AFF3: variants seen among roughly 807,000 people sequenced by gnomAD.
The protein encoded by AFF3 is AF4/FMR2 family member 3.
AFF3 carries 32 observed loss-of-function variants against 129.7 expected under a neutral mutation model. The observed-to-expected ratio is 0.25, with a 90% CI of 0.19 to 0.33. AFF3 has a LOEUF of 0.33. AFF3 is among the 10% of genes least tolerant of loss of function. AFF3 has a pLI of 1.00. For synonymous variants in AFF3, 644 were observed against 635.4 expected, an observed-to-expected ratio of 1.01 and a Z score of -0.20; for missense variants, 1,373 against 1,592.0, an observed-to-expected ratio of 0.86 and a Z score of 2.34.
intron 8 of AFF3, among the ~76,000 whole-genome samples, chr2:99,777,947 C>CAAAAAAAAAAA (rs576434643): frequency 1.7e-4 from 8 of 48,340 alleles, no homozygotes; most frequent in Non-Finnish European, 2.3e-4. Flanking sequence ...AAAGCAAAAG[C>CAAAAAAAAAAA]AAAAAAAAAA....
At chr2:99,987,037 C>G (rs1376896335) in intron 7 of AFF3, among the ~76,000 whole-genome samples, 1 of 152,170 alleles carries the variant, frequency 6.6e-6, no homozygotes, top group African/African-American at 2.4e-5. Flanking sequence ...ATCACACACA[C>G]TTTGCTCTAA....
At chr2:99,804,421 A>T (rs1686185720) in intron 8 of AFF3, among the ~76,000 whole-genome samples, 1 of 152,234 alleles carries the variant, frequency 6.6e-6, no homozygotes, top group South Asian at 2.1e-4. Flanking sequence ...CAGTTATTAA[A>T]AAGTCAAAAA....
At chr2:99,758,991 A>T (rs1174280216) in intron 8 of AFF3, among the ~76,000 whole-genome samples, 1 of 152,154 alleles carries the variant, frequency 6.6e-6, no homozygotes, top group East Asian at 1.9e-4. Context: ...AAGAAAAACT[A>T]GCCTCTGCTT....
At chr2:99,623,775 A>C (rs1168863796) in intron 13 of AFF3, among the ~76,000 whole-genome samples, 1 of 152,106 alleles carries the variant, frequency 6.6e-6, no homozygotes, top group Non-Finnish European at 1.5e-5. Context: ...CCTGGCATGC[A>C]CCCATGCCCT....
chr2:100,124,747 T>C (rs558654033), intron 2 of AFF3, among the ~76,000 whole-genome samples: 1 of 152,228 alleles, frequency 6.6e-6, no homozygotes, highest in South Asian at 2.1e-4. Flanking sequence ...GGGCAACTAA[T>C]GCAAGAAAAC....
chr2:99,901,494 C>G (rs7572738), intron 7 of AFF3, among the ~76,000 whole-genome samples: 2 of 152,196 alleles, frequency 1.3e-5, no homozygotes, highest in Non-Finnish European at 2.9e-5. Context: ...AACTCATTAT[C>G]GTGATCCCAA....
chr2:99,986,290 A>G (rs779321469), intron 7 of AFF3, among the ~76,000 whole-genome samples: 7 of 150,904 alleles, frequency 4.6e-5, no homozygotes. Context: ...TTCAGTGTCA[A>G]CCATAGCGTT....
At chr2:99,562,271 C>T (rs1476406113) in intron 20 of AFF3, among the ~76,000 whole-genome samples, 1 of 152,244 alleles carries the variant, frequency 6.6e-6, no homozygotes, top group Non-Finnish European at 1.5e-5. Context: ...CTCTATTCCT[C>T]TCCTCTGAGA....
rs182248213 is a variant in AFF3 at position 99,941,279 on chromosome 2, C to G, written c.873+65353G>C. Among the ~76,000 whole-genome samples the G allele has an allele frequency of 2.4e-4, 37 of 152,282 alleles. No homozygotes were observed. The East Asian group carries it at 6.2e-3, about 25-fold the overall frequency. ...TCAGCACCACTCTGACCTCATAGGACAGCAGGGATTCTTTAGAGGATTGGG... is the reference window on the plus strand; with the variant it reads ...TCAGCACCACTCTGACCTCATAGGAGAGCAGGGATTCTTTAGAGGATTGGG... On this transcript the variant is annotated intron_variant, in intron 7 of 24. Transcript: ENST00000672756.
chr2:99,617,880 A>G (rs565760227), intron 13 of AFF3, among the ~76,000 whole-genome samples: 1 of 152,206 alleles, frequency 6.6e-6, no homozygotes, highest in Non-Finnish European at 1.5e-5. Context: ...TCTAGGTTGC[A>G]TATCAGGTTA....
intron 8 of AFF3, among the ~76,000 whole-genome samples, chr2:99,802,754 A>C (rs1438247491): frequency 7.0e-6 from 1 of 143,706 alleles, no homozygotes; most frequent in East Asian, 2.0e-4. Context: ...TTTGACTCTC[A>C]GCTTGGTCAC....
intron 7 of AFF3, among the ~76,000 whole-genome samples, chr2:99,842,227 A>C (rs1375258059): frequency 6.6e-6 from 1 of 152,028 alleles, no homozygotes; most frequent in African/African-American, 2.4e-5. Flanking sequence ...TACCTTCTTG[A>C]GGTCTTTCTC....
chr2:100,107,048 A>G, intron 2 of AFF3: 1 of 985,390 alleles, frequency 1.0e-6, no homozygotes, highest in South Asian at 4.7e-5. Flanking sequence ...GGTATTTAAA[A>G]ATGTTTCTTT....
intron 8 of AFF3, among the ~76,000 whole-genome samples, chr2:99,804,188 G>A (rs1261300144): frequency 6.6e-6 from 1 of 152,112 alleles, no homozygotes; most frequent in African/African-American, 2.4e-5. Context: ...AACTATTCAT[G>A]TGACAAAGAA....
intron 2 of AFF3, chr2:100,106,491 T>C (rs1287697614): frequency 1.0e-6 from 1 of 1,001,636 alleles, no homozygotes; most frequent in Admixed American, 5.3e-5. Flanking sequence ...ATACGCCTTG[T>C]TGGAAATGTT....
At chr2:99,751,867 A>G (rs906164916) in intron 9 of AFF3, among the ~76,000 whole-genome samples, 6 of 152,360 alleles carry the variant, frequency 3.9e-5, no homozygotes, top group African/African-American at 1.4e-4. Flanking sequence ...AAGATACATC[A>G]TTAATTTAAT....
intron 11 of AFF3, among the ~76,000 whole-genome samples, chr2:99,717,697 T>C (rs569794238): frequency 4.9e-4 from 74 of 152,338 alleles, no homozygotes; most frequent in African/African-American, 1.8e-3. Flanking sequence ...GCAGTTATCT[T>C]TAAATTTTGA....
chr2:99,668,325 C>T (rs193162632), intron 12 of AFF3, among the ~76,000 whole-genome samples: 151 of 152,082 alleles, frequency 9.9e-4, no homozygotes, highest in Non-Finnish European at 1.4e-3. Context: ...GTGCACACCA[C>T]TATGCCCAAC....
chr2:99,801,844 A>T (rs545887886), intron 8 of AFF3, among the ~76,000 whole-genome samples: 296 of 152,326 alleles, frequency 1.9e-3, no homozygotes, highest in Non-Finnish European at 3.1e-3. Context: ...ATTTCAAGTC[A>T]TTAATCAGCC....
Sources: allele counts gnomAD v4.1 joint callset (sites outside exome capture counted in the v4.1 genomes callset), GRCh38; gene constraint gnomAD v4.1.1; transcripts MANE v1.5; gene names NCBI Gene and HGNC (gene_info 2026-07-23, HGNC 2026-07-21).